DNAH10: variants seen among roughly 807,000 people sequenced by gnomAD.
The protein encoded by DNAH10 is axonemal beta dynein heavy chain 10.
A neutral mutation model predicts 506.6 loss-of-function variants in DNAH10; 348 were observed. The ratio of observed to expected loss-of-function variants is 0.69; its 90% confidence interval spans 0.63 to 0.75. DNAH10 has a LOEUF of 0.75. DNAH10 is among the 30% of genes least tolerant of loss of function. The pLI is 0.00. For synonymous variants in DNAH10, 2,059 were observed against 2,198.6 expected (o/e 0.94, Z 1.78); for missense variants, 5,179 against 5,787.1 (o/e 0.89, Z 3.41).
Position 123,873,846 on chromosome 12 carries a change from G to A in DNAH10, c.7938+136G>A, listed in dbSNP as rs117287292. 5,716 of 1,210,482 alleles carry A rather than the reference G, an allele frequency of 4.7e-3. 28 individuals are homozygous for A. The highest frequency in any genetic ancestry group is 0.016 in the Middle Eastern group (72 of 4,482). 75.0% of individuals were successfully genotyped at this position (1,210,482 alleles called of 1,614,324 possible). A position where few individuals can be genotyped will look rare whatever the true frequency, so the allele number is the denominator to read the frequency against. Reference sequence around the variant, plus strand: ...GCAATGTCTGCAGGGTACAGGCTGCGGGGAGCCAGCCTAAGGCAGAATGTA... The same window carrying A: ...GCAATGTCTGCAGGGTACAGGCTGCAGGGAGCCAGCCTAAGGCAGAATGTA... On this transcript the variant is annotated intron_variant, in intron 46 of 78. Coordinates refer to ENST00000673944, the MANE Select transcript of DNAH10 (RefSeq NM_001372106.1).
At position 123,830,582 on chromosome 12, in the gene DNAH10, T is replaced by C. The variant is rs571538804; in HGVS notation, c.4428T>C (p.Phe1476=). 1.2e-6 allele frequency: 2 copies of C among 1,613,844 alleles called. No individual in the cohort carries two copies. The highest frequency in any genetic ancestry group is 1.3e-5 in the African/African-American group (1 of 75,050). The change falls in exon 26 of 79, where the codon TTT becomes TTC. Residue 1476 remains phenylalanine, a synonymous_variant. Transcript: ENST00000673944. ...AACTTATGGAAAAAACGTCTGTCTT[T>C]TTTGAAATGACCGAAACGTTCACCT... ...WKELMEKTSV[F]FEMTETFTLE...
chr12:123,859,393 C>A (rs181178883), intron 38 of DNAH10, 125 bp downstream of exon 38: 2 of 691,136 alleles, frequency 2.9e-6, no homozygotes, highest in African/African-American at 1.9e-5. Context: ...GTAATACACA[C>A]CCCTTTCGAC....
chr12:123,820,668 T>G lies in DNAH10; in HGVS notation c.4089T>G (p.Asp1363Glu). ...QELANAEKLF[D>E]LPITMYPELL... ...TGGCTAACGCTGAGAAACTTTTCGATCTTCCTATTACAATGTACCCAGAGC... is the reference window on the plus strand; with the variant it reads ...TGGCTAACGCTGAGAAACTTTTCGAGCTTCCTATTACAATGTACCCAGAGC... Residue 1363 changes from aspartate (D) to glutamate (E), a missense_variant, in exon 24 of 79, where the codon GAT becomes GAG. By Grantham distance (45) the Asp-to-Glu change is conservative. Around this residue, in one of 3 missense-constraint regions of DNAH10, gnomAD observed 4,844 missense variants for 5,430.5 expected, o/e 0.89. Coordinates refer to ENST00000673944, the MANE Select transcript of DNAH10 (RefSeq NM_001372106.1). The G allele has an allele frequency of 6.2e-7, 1 of 1,614,012 alleles. No homozygotes were observed.
At position 123,784,045 on chromosome 12, in the gene DNAH10, C is replaced by G. The variant is rs755846507; in HGVS notation, c.1098C>G (p.Val366=). 1 of 1,614,158 alleles carries G rather than the reference C, an allele frequency of 6.2e-7. No homozygotes were observed. Among genetic ancestry groups the G allele is most frequent in the South Asian group, 1.1e-5 (1 of 91,084 alleles). ...EQTKLPIVRK[V]LDVIKESDSM... ...CAAAGCTTCCAATAGTCAGAAAAGT[C>G]TTGGATGTGATCAAGGAATCCGACT... The change falls in exon 8 of 79, where the codon GTC becomes GTG. Residue 366 remains valine, a synonymous_variant. Coordinates refer to ENST00000673944, the MANE Select transcript of DNAH10 (RefSeq NM_001372106.1).
intron 77 of DNAH10, chr12:123,934,218 C>T (rs755968241): frequency 2.9e-6 from 2 of 701,742 alleles, no homozygotes; most frequent in South Asian, 3.0e-5. Flanking sequence ...GAGGCTTCGA[C>T]TTCCTGCTCC....
chr12:123,764,406 A>G (rs1956940674), intron 1 of DNAH10, among the ~76,000 whole-genome samples: 1 of 152,256 alleles, frequency 6.6e-6, no homozygotes, highest in Non-Finnish European at 1.5e-5. Flanking sequence ...ATTGGCACCA[A>G]GTGAAATTAT....
At chr12:123,836,124 A>G (rs1961104663) in intron 28 of DNAH10, among the ~76,000 whole-genome samples, 1 of 152,236 alleles carries the variant, frequency 6.6e-6, no homozygotes, top group Non-Finnish European at 1.5e-5. Flanking sequence ...TGTCACTTTA[A>G]TGGGACCACT....
chr12:123,806,731 GCTAC>G (rs1457442873), intron 18 of DNAH10, among the ~76,000 whole-genome samples: 1 of 150,888 alleles, frequency 6.6e-6, no homozygotes, highest in Non-Finnish European at 1.5e-5. Context: ...CTTACATGGA[GCTAC>G]CTCCTATAGT....
chr12:123,914,110 C>A (rs1954353482), intron 60 of DNAH10, among the ~76,000 whole-genome samples: 1 of 152,170 alleles, frequency 6.6e-6, no homozygotes, highest in Admixed American at 6.5e-5. Context: ...CTTTACTGAG[C>A]CCCCTGCTTG....
In DNAH10 at chr12:123,828,181, TA is replaced by T. The variant is rs34229102; in HGVS notation, c.4391+1296del. On this transcript the variant is annotated intron_variant, in intron 25 of 78. Transcript: ENST00000673944. ...CTTGCCAGAAATAGAAAGTAATTAT[TA>T]AAAAAAAAAAAACTAGCTCAAAACA... Among the ~76,000 whole-genome samples the T allele has an allele frequency of 1.9e-3, 272 of 142,184 alleles. 1 individual carries two copies. Among genetic ancestry groups the T allele is most frequent in the African/African-American group, 4.6e-3 (179 of 39,028 alleles). 93.3% of individuals were successfully genotyped at this position (142,184 alleles called of 152,430 possible).
chr12:123,905,000 A>G (rs1443823430), intron 57 of DNAH10, among the ~76,000 whole-genome samples: 1 of 152,244 alleles, frequency 6.6e-6, no homozygotes, highest in Non-Finnish European at 1.5e-5. Context: ...GACCAAGGCA[A>G]CCAGGTACAC....
At position 123,890,549 on chromosome 12, in the gene DNAH10, G is replaced by A. The variant is rs1952936081; in HGVS notation, c.8996-2684G>A. ...GTTTTTCCTGCCTCACCTTCCCAAGGTGTTGAGATTACAGGCGTGAGCCAC... is the reference window on the plus strand; with the variant it reads ...GTTTTTCCTGCCTCACCTTCCCAAGATGTTGAGATTACAGGCGTGAGCCAC... On this transcript the variant is annotated intron_variant, in intron 52 of 78. Coordinates refer to ENST00000673944, the MANE Select transcript of DNAH10 (RefSeq NM_001372106.1). Among the ~76,000 whole-genome samples, 5 of 152,168 alleles carry A rather than the reference G, an allele frequency of 3.3e-5. No individual in the cohort carries two copies. In the South Asian group the frequency reaches 1.0e-3, roughly 32 times the overall value.
At chr12:123,823,362 A>T (rs77440502) in intron 24 of DNAH10, among the ~76,000 whole-genome samples, 3,575 of 152,218 alleles carry the variant, frequency 0.023, 52 homozygotes, top group Middle Eastern at 0.051. Context: ...CAGCCGGGGG[A>T]TTGCAGGCAG....
rs1190012414 is a variant in DNAH10, at chr12:123,877,743, A to G, written c.8207A>G (p.His2736Arg). The G allele has an allele frequency of 1.6e-5, 25 of 1,612,458 alleles. No homozygotes were observed. The highest frequency in any genetic ancestry group is 2.1e-5 in the Non-Finnish European group (25 of 1,179,362). Residue 2736 changes from histidine to arginine, a missense_variant, in exon 48 of 79, where the codon CAT becomes CGT. Coordinates refer to ENST00000673944, the MANE Select transcript of DNAH10 (RefSeq NM_001372106.1). ...TGTCTTTGCATTTTTCAGACGTTTC[A>G]TGAGAGCATTGTGGCTGTGAGTGGC... ...SILKGHTSTF[H>R]ESIVAVSGKL...
At chr12:123,862,062 G>A (rs1951633688) in intron 39 of DNAH10, among the ~76,000 whole-genome samples, 2 of 152,150 alleles carry the variant, frequency 1.3e-5, no homozygotes, top group African/African-American at 4.8e-5. Flanking sequence ...TTAGATTCAG[G>A]CCATGGCTGT....
chr12:123,875,849 AG>A (rs1296451432), intron 47 of DNAH10, among the ~76,000 whole-genome samples: 1 of 152,132 alleles, frequency 6.6e-6, no homozygotes, highest in Non-Finnish European at 1.5e-5. Context: ...CTCCGGGAGC[AG>A]GTCTCTTGAA....
chr12:123,833,266 A>G lies in DNAH10; in HGVS notation c.4698A>G (p.Ser1566=), dbSNP rs771901843. 6.2e-7 allele frequency: 1 copy of G among 1,613,844 alleles called. No homozygotes were observed. The highest frequency in any genetic ancestry group is 8.5e-7 in the Non-Finnish European group (1 of 1,179,798). Residue 1566 remains serine, a synonymous_variant, in exon 27 of 79, where the codon TCA becomes TCG. Coordinates refer to ENST00000673944, the MANE Select transcript of DNAH10 (RefSeq NM_001372106.1). ...ACACTTTCAACCTGCAGAGCATCTC[A>G]GGAAGCAGATTTGTGGGGCCTTTTC... The part of the protein sequence containing the change: ...DDNTFNLQSI[S]GSRFVGPFLQ...
chr12:123,841,401 AAGG>A lies in DNAH10; in HGVS notation c.5219_5221del (p.Gly1740del), dbSNP rs1236378638. 3.7e-6 allele frequency: 6 copies of A among 1,614,032 alleles called. No homozygotes were observed. The East Asian group carries it at 6.7e-5, about 18-fold the overall frequency. ...CTGGTGTCCGCGATGATTTCAGCAG[AAGG>A]AGAAGTCATGGAGTTTCGGAAGATC... On this transcript the variant is annotated inframe_deletion, in exon 30 of 79. Coordinates refer to ENST00000673944, the MANE Select transcript of DNAH10 (RefSeq NM_001372106.1).
At position 123,853,127 on chromosome 12, in the gene DNAH10, AT is replaced by A; in HGVS notation, c.6292-76del. 7.2e-7 allele frequency: 1 copy of A among 1,382,154 alleles called. No individual in the cohort carries two copies. 85.6% of individuals were successfully genotyped at this position (1,382,154 alleles called of 1,614,324 possible). On this transcript the variant is annotated intron_variant, in intron 35 of 78. Transcript: ENST00000673944. The surrounding 1 kb of genome is among the most constrained non-coding windows in gnomAD (Gnocchi z 4.7). ...GGAACACCTGCCCCCGTTTTCTTGC[AT>A]TTGTAGAATGATGCTCCATTGCTTT... is the stretch of plus-strand genomic sequence containing the variant.
Sources: gnomAD v4.1 joint callset for allele counts (sites outside exome capture counted in the v4.1 genomes callset) on GRCh38, gnomAD v4.1.1 for gene constraint, gnomAD v4.1.1 regional missense constraint, Gnocchi (gnomAD v3.1) non-coding constraint, MANE v1.5 for transcripts, NCBI Gene and HGNC (gene_info 2026-07-23, HGNC 2026-07-21) for gene names.